The following RAD54B variants were observed in gnomAD, a reference collection of about 807,000 sequenced individuals.
The protein encoded by RAD54B is DNA repair and recombination protein RAD54B.
In RAD54B, 78 loss-of-function variants were observed where a neutral mutation model predicts 95.8. The observed-to-expected ratio is 0.81, with a 90% CI of 0.68 to 0.98. The LOEUF is 0.98. Among genes scored for constraint, RAD54B ranks in the 50% least tolerant of loss-of-function variants. RAD54B has a pLI of 0.00. For synonymous variants in RAD54B, 328 were observed against 354.9 expected, an observed-to-expected ratio of 0.92 and a Z score of 0.85; for missense variants, 957 against 1,056.6, an observed-to-expected ratio of 0.91 and a Z score of 1.31.
intron 3 of RAD54B, among the ~76,000 whole-genome samples, chr8:94,453,320 G>A (rs1812709350): frequency 6.6e-6 from 1 of 152,118 alleles, no homozygotes; most frequent in South Asian, 2.1e-4. Context: ...CTTGAGGTCA[G>A]GAGTTCAAAA....
At chr8:94,446,162 T>G (rs1196496738) in intron 3 of RAD54B, among the ~76,000 whole-genome samples, 1 of 152,180 alleles carries the variant, frequency 6.6e-6, no homozygotes, top group African/African-American at 2.4e-5. Flanking sequence ...TTACTAAAAC[T>G]TAGATAAATT....
chr8:94,453,303 C>T (rs758395262), intron 3 of RAD54B, among the ~76,000 whole-genome samples: 3 of 151,998 alleles, frequency 2.0e-5, no homozygotes, highest in South Asian at 2.1e-4. Flanking sequence ...CTGAGGTGGG[C>T]GGATCACTTG....
intron 3 of RAD54B, among the ~76,000 whole-genome samples, chr8:94,446,684 T>G (rs1812528616): frequency 6.6e-6 from 1 of 152,174 alleles, no homozygotes; most frequent in Non-Finnish European, 1.5e-5. Context: ...CTTCATTTTG[T>G]GTCATCTGGC....
chr8:94,464,730 T>TAG (rs768650267), intron 2 of RAD54B, among the ~76,000 whole-genome samples: 16 of 152,208 alleles, frequency 1.1e-4, no homozygotes, highest in African/African-American at 2.2e-4. Flanking sequence ...TATAAAGGAA[T>TAG]ACCTGAGACA....
At chr8:94,413,779 T>A (rs1457831833) in intron 3 of RAD54B, among the ~76,000 whole-genome samples, 1 of 151,860 alleles carries the variant, frequency 6.6e-6, no homozygotes, top group Non-Finnish European at 1.5e-5. Flanking sequence ...GGGTAAAATA[T>A]TCACAGCATA....
intron 3 of RAD54B, among the ~76,000 whole-genome samples, chr8:94,412,347 T>G (rs962025115): frequency 2.7e-5 from 4 of 148,072 alleles, no homozygotes; most frequent in Non-Finnish European, 6.0e-5. Context: ...GGAATGCAGA[T>G]ATCTCTTCAA....
intron 1 of RAD54B, among the ~76,000 whole-genome samples, chr8:94,470,793 C>T: frequency 6.6e-6 from 1 of 151,684 alleles, no homozygotes; most frequent in East Asian, 1.9e-4. Flanking sequence ...AATAATGATG[C>T]TAGTATCAAT....
intron 1 of RAD54B, among the ~76,000 whole-genome samples, chr8:94,470,277 A>G (rs544533875): frequency 4.1e-4 from 62 of 152,030 alleles, no homozygotes; most frequent in African/African-American, 1.4e-3. Flanking sequence ...CCAGGCTAAC[A>G]TGGTGAAACC....
At chr8:94,374,857 G>C (rs539918161) in intron 14 of RAD54B, among the ~76,000 whole-genome samples, 3 of 152,274 alleles carry the variant, frequency 2.0e-5, no homozygotes, top group African/African-American at 7.2e-5. Flanking sequence ...GGTTGTTAAT[G>C]TTTTAAATGG....
chr8:94,412,875 G>T (rs779003819), intron 3 of RAD54B, among the ~76,000 whole-genome samples: 1 of 152,076 alleles, frequency 6.6e-6, no homozygotes, highest in Non-Finnish European at 1.5e-5. Flanking sequence ...GTCACAAGAT[G>T]CAAGGTTCAT....
intron 11 of RAD54B, among the ~76,000 whole-genome samples, chr8:94,381,523 CAG>C (rs1810740862): frequency 6.6e-6 from 1 of 151,792 alleles, no homozygotes; most frequent in Non-Finnish European, 1.5e-5. Flanking sequence ...TGAAAAAAAA[CAG>C]AAGAAAACTT....
At chr8:94,466,863 C>G (rs1204170044) in intron 2 of RAD54B, among the ~76,000 whole-genome samples, 1 of 152,180 alleles carries the variant, frequency 6.6e-6, no homozygotes, top group Non-Finnish European at 1.5e-5. Context: ...CACCCCTTCC[C>G]TCAAAGAGGT....
chr8:94,437,911 A>G (rs1812306368), intron 3 of RAD54B, among the ~76,000 whole-genome samples: 1 of 152,256 alleles, frequency 6.6e-6, no homozygotes, highest in African/African-American at 2.4e-5. Flanking sequence ...TAATGTAAGC[A>G]AGACAAACCT....
In RAD54B at chr8:94,372,360, G is replaced by T; in HGVS notation, c.2543C>A (p.Ser848Tyr). 6 of 1,613,246 alleles carry T rather than the reference G, an allele frequency of 3.7e-6. No individual in the cohort carries two copies. The highest frequency in any genetic ancestry group is 4.2e-6 in the Non-Finnish European group (5 of 1,179,788). ...ATGTGGACCAAGCTGACAATCTCTAGAGACAATGAATTTTTCCAACGAATC... is the reference window on the plus strand; with the variant it reads ...ATGTGGACCAAGCTGACAATCTCTATAGACAATGAATTTTTCCAACGAATC... ...TGDSLEKFIV[S>Y]RDCQLGPHHQ... Residue 848 changes from serine (S) to tyrosine (Y), a missense_variant, in exon 15 of 15, where the codon TCT (serine) becomes TAT (tyrosine). Ser to Tyr is a moderately radical substitution (Grantham distance 144). Coordinates refer to ENST00000336148, the MANE Select transcript of RAD54B (RefSeq NM_012415.3).
chr8:94,446,723 A>G (rs1393705842), intron 3 of RAD54B, among the ~76,000 whole-genome samples: 1 of 152,124 alleles, frequency 6.6e-6, no homozygotes, highest in Non-Finnish European at 1.5e-5. Flanking sequence ...TGCTACCTAC[A>G]AGGATGTTGT....
In RAD54B at chr8:94,422,623, T is replaced by A. The variant is rs2515146; in HGVS notation, c.305-11308A>T. On this transcript the variant is annotated intron_variant, in intron 3 of 14. Transcript: ENST00000336148. ...AAAAAAAAAAAAAAAAAAAAATATA[T>A]ATATATATATATATATATATATATA... is the stretch of plus-strand genomic sequence containing the variant. Among the ~76,000 whole-genome samples the A allele has an allele frequency of 9.8e-3, 587 of 59,690 alleles. 9 individuals carry two copies. The highest frequency in any genetic ancestry group is 0.011 in the Non-Finnish European group (411 of 35,800). 39.2% of individuals were successfully genotyped at this position (59,690 alleles called of 152,430 possible). A position where few individuals can be genotyped will look rare whatever the true frequency, so the allele number is the denominator to read the frequency against.
At chr8:94,428,399 C>T (rs1188517613) in intron 3 of RAD54B, 1 of 817,942 alleles carries the variant, frequency 1.2e-6, no homozygotes, top group Non-Finnish European at 1.5e-6. Flanking sequence ...CAGGACACCC[C>T]CTACCCCATC....
intron 2 of RAD54B, among the ~76,000 whole-genome samples, chr8:94,466,623 G>C (rs6998829): frequency 0.053 from 8,033 of 152,092 alleles, 251 homozygotes; most frequent in African/African-American, 0.081. Flanking sequence ...AACCAGGCTG[G>C]TCTCAACTCC....
intron 11 of RAD54B, among the ~76,000 whole-genome samples, chr8:94,386,702 A>C (rs995498387): frequency 1.1e-4 from 17 of 152,252 alleles, no homozygotes; most frequent in Non-Finnish European, 1.8e-4. Flanking sequence ...TATTTAAGAA[A>C]CAGTAAAAGA....
Sources: allele counts gnomAD v4.1 joint callset (sites outside exome capture counted in the v4.1 genomes callset), GRCh38; gene constraint gnomAD v4.1.1; transcripts MANE v1.5; gene names NCBI Gene and HGNC (gene_info 2026-07-23, HGNC 2026-07-21).